EHBP1: variants seen among roughly 807,000 people sequenced by gnomAD.
EHBP1 encodes the protein EH domain-binding protein 1.
EHBP1 carries 55 observed loss-of-function variants against 144.0 expected under a neutral mutation model. That is an observed-to-expected ratio of 0.38 (90% CI 0.31 to 0.48). The LOEUF (loss-of-function observed/expected upper bound fraction) is 0.48, where lower values mean the gene tolerates loss of function less well. EHBP1 is among the 20% of genes least tolerant of loss of function. EHBP1 has a pLI of 0.98. For missense variants in EHBP1, 1,200 were observed against 1,364.2 expected (o/e 0.88, Z 1.90); for synonymous variants, 469 against 472.7 (o/e 0.99, Z 0.10).
chr2:62,801,750 T>C (rs1267252774), intron 5 of EHBP1, among the ~76,000 whole-genome samples: 1 of 152,252 alleles, frequency 6.6e-6, no homozygotes, highest in Non-Finnish European at 1.5e-5. Flanking sequence ...TATTTAAATT[T>C]CACAAGCAAG....
intron 6 of EHBP1, among the ~76,000 whole-genome samples, chr2:62,829,582 T>C (rs1395116017): frequency 6.8e-6 from 1 of 147,528 alleles, no homozygotes; most frequent in African/African-American, 2.5e-5. Flanking sequence ...TGTGTGTGTG[T>C]GTGTGTGTGT....
chr2:62,771,346 A>T lies in EHBP1; in HGVS notation c.266A>T (p.His89Leu). The change falls in exon 5 of 23, where the codon CAT becomes CTT. Residue 89 changes from histidine to leucine, a missense_variant. Physicochemically the swap from His to Leu is moderately conservative, Grantham distance 99. This residue lies in a region of EHBP1 where 137 missense variants were observed against 190.1 expected (regional missense o/e 0.72). Transcript: ENST00000431489. ...EITVTLFKDP[H>L]AEEFEDKEWT... Reference sequence around the variant, plus strand: ...ATTTTGCTTTTGTTACAGGATCCTCATGCGGAAGAATTTGAAGACAAAGAG... The same window carrying T: ...ATTTTGCTTTTGTTACAGGATCCTCTTGCGGAAGAATTTGAAGACAAAGAG... 6.3e-7 allele frequency: 1 copy of T among 1,594,966 alleles called. No homozygotes were observed. Among genetic ancestry groups the T allele is most frequent in the Non-Finnish European group, 8.5e-7 (1 of 1,170,428 alleles).
chr2:62,779,636 C>A (rs2042289858), intron 5 of EHBP1, among the ~76,000 whole-genome samples: 1 of 152,122 alleles, frequency 6.6e-6, no homozygotes, highest in African/African-American at 2.4e-5. Context: ...AACTTCTCAA[C>A]CATGTTCTTT....
intron 8 of EHBP1, 130 bp downstream of exon 8, chr2:62,859,421 T>A (rs750934727): frequency 4.7e-6 from 4 of 855,486 alleles, no homozygotes; most frequent in Non-Finnish European, 6.7e-6. Flanking sequence ...TATTATTGTG[T>A]TCAATACCAC....
At chr2:62,716,912 C>T (rs1313733743) in intron 2 of EHBP1, among the ~76,000 whole-genome samples, 2 of 152,138 alleles carry the variant, frequency 1.3e-5, no homozygotes, top group Non-Finnish European at 2.9e-5. Context: ...TGTTTCTCTA[C>T]GTGATGACTG....
intron 11 of EHBP1, 34 bp downstream of exon 11, chr2:62,942,930 G>A: frequency 7.0e-7 from 1 of 1,420,578 alleles, no homozygotes; most frequent in Non-Finnish European, 9.5e-7. Context: ...CCTATATTTT[G>A]TAAGTGATAG....
chr2:62,836,193 C>A lies in EHBP1; in HGVS notation c.634+5035C>A, dbSNP rs1490746540. Among the ~76,000 whole-genome samples the A allele has an allele frequency of 3.3e-5, 5 of 152,274 alleles. No individual in the cohort carries two copies. In the South Asian group the frequency reaches 1.0e-3, roughly 32 times the overall value. On this transcript the variant is annotated intron_variant, in intron 7 of 22. Transcript: ENST00000431489. The stretch of plus-strand genomic sequence containing the variant: ...AAATGGGTCCCTGACCCCTGACCCC[C>A]GAGCAGCCTAACTGGGAGGCACCCC...
At chr2:62,794,665 A>G (rs1304779609) in intron 5 of EHBP1, among the ~76,000 whole-genome samples, 2 of 152,000 alleles carry the variant, frequency 1.3e-5, no homozygotes, top group African/African-American at 4.8e-5. Context: ...AGATAAAATA[A>G]TCATGTTTGC....
chr2:62,752,991 G>T (rs953677291), intron 3 of EHBP1, among the ~76,000 whole-genome samples: 1 of 152,086 alleles, frequency 6.6e-6, no homozygotes, highest in Non-Finnish European at 1.5e-5. Flanking sequence ...GAAGTATTTA[G>T]CCCATTTACA....
At chr2:62,869,754 A>T (rs1033615370) in intron 9 of EHBP1, among the ~76,000 whole-genome samples, 2 of 152,230 alleles carry the variant, frequency 1.3e-5, no homozygotes, top group Non-Finnish European at 2.9e-5. Flanking sequence ...AATACTCATT[A>T]AATATTTTCA....
At chr2:62,819,248 C>CA (rs1250303430) in intron 5 of EHBP1, among the ~76,000 whole-genome samples, 1 of 151,874 alleles carries the variant, frequency 6.6e-6, no homozygotes, top group African/African-American at 2.4e-5. Flanking sequence ...TAAAGTTTAA[C>CA]AAAAAATCTA....
At chr2:63,027,053 T>C (rs1053439360) in intron 19 of EHBP1, among the ~76,000 whole-genome samples, 2 of 152,352 alleles carry the variant, frequency 1.3e-5, no homozygotes, top group African/African-American at 4.8e-5. Flanking sequence ...ACTGATTACC[T>C]GTGAGTCCTT....
At chr2:63,010,797 C>T (rs993386778) in intron 19 of EHBP1, among the ~76,000 whole-genome samples, 1 of 151,522 alleles carries the variant, frequency 6.6e-6, no homozygotes, top group African/African-American at 2.4e-5. Flanking sequence ...ACGTTCATTC[C>T]AATATGTCTT....
intron 10 of EHBP1, among the ~76,000 whole-genome samples, chr2:62,941,966 GTTA>G (rs1380199509): frequency 1.3e-5 from 2 of 151,934 alleles, no homozygotes; most frequent in African/African-American, 2.4e-5. Flanking sequence ...TCTTAGGTTT[GTTA>G]TTATTATTGA....
chr2:62,818,944 G>T (rs895787800), intron 5 of EHBP1, among the ~76,000 whole-genome samples: 1 of 152,066 alleles, frequency 6.6e-6, no homozygotes, highest in Non-Finnish European at 1.5e-5. Flanking sequence ...TAAATTCCTG[G>T]GTGGGGAGAA....
At chr2:63,044,939 A>G (rs565935613) in intron 21 of EHBP1, 127 bp from the exon 22 acceptor site, 33 of 659,634 alleles carry the variant, frequency 5.0e-5, no homozygotes, top group African/African-American at 5.0e-4. Context: ...AGAAAACACT[A>G]GCTAGTGGCT....
intron 7 of EHBP1, among the ~76,000 whole-genome samples, chr2:62,845,196 A>T (rs547078717): frequency 2.8e-4 from 43 of 151,976 alleles, no homozygotes; most frequent in African/African-American, 1.0e-3. Context: ...ATGCACATTT[A>T]TAAGAGTCTC....
intron 21 of EHBP1, among the ~76,000 whole-genome samples, chr2:63,041,515 A>G (rs911809896): frequency 3.9e-5 from 6 of 152,178 alleles, no homozygotes; most frequent in Non-Finnish European, 7.4e-5. Context: ...AAAGGGATTT[A>G]TGCATAGGTT....
chr2:62,948,864 A>G lies in EHBP1; in HGVS notation c.2018A>G (p.Asp673Gly). The G allele has an allele frequency of 1.2e-6, 2 of 1,614,118 alleles. No individual in the cohort carries two copies. Among genetic ancestry groups the G allele is most frequent in the South Asian group, 1.1e-5 (1 of 91,082 alleles). The stretch of plus-strand genomic sequence containing the variant: ...TTATATGTTAGTGATAAGAAGAAGG[A>G]TATGTCTCCACCCTTTATTTGTGAG... ...SDLYVSDKKK[D>G]MSPPFICEET... Residue 673 changes from aspartate to glycine, a missense_variant, in exon 13 of 23, where the codon GAT becomes GGT. By Grantham distance (94) the Asp-to-Gly change is moderately conservative (BLOSUM62 -1). Coordinates refer to ENST00000431489, the MANE Select transcript of EHBP1 (RefSeq NM_001142616.3).
Sources: allele counts gnomAD v4.1 joint callset (sites outside exome capture counted in the v4.1 genomes callset), GRCh38; gene constraint gnomAD v4.1.1; regional missense constraint gnomAD v4.1.1; transcripts MANE v1.5; gene names NCBI Gene and HGNC (gene_info 2026-07-23, HGNC 2026-07-21).